PKIB: variants seen among roughly 807,000 people sequenced by gnomAD.
PKIB encodes the protein PKI-beta.
In PKIB, 2 loss-of-function variants were observed where a neutral mutation model predicts 4.5. The ratio of observed to expected loss-of-function variants is 0.44; its 90% CI spans 0.18 to 1.39. The LOEUF is 1.39. Ranked by LOEUF, PKIB falls within the 40% of genes most tolerant of loss-of-function variation. The probability of loss-of-function intolerance (pLI) is 0.27; values close to 1 mark genes in which losing one functional copy is unlikely to be tolerated. For synonymous variants in PKIB, 38 were observed against 36.0 expected, an observed-to-expected ratio of 1.06 and a Z score of -0.20; for missense variants, 94 against 92.6, an observed-to-expected ratio of 1.02 and a Z score of -0.06.
chr6:122,576,689 A>AAATATATATATATAT (rs1345822382), intron 2 of PKIB, among the ~76,000 whole-genome samples: 4 of 34,306 alleles, frequency 1.2e-4, no homozygotes, highest in Non-Finnish European at 1.9e-4. Flanking sequence ...AAAAAAAAAA[A>AAATATATATATATAT]ATATATATAT....
intron 2 of PKIB, among the ~76,000 whole-genome samples, chr6:122,498,863 A>G (rs1434515266): frequency 6.6e-6 from 1 of 152,236 alleles, no homozygotes; most frequent in Non-Finnish European, 1.5e-5. Flanking sequence ...AAGCTTAATC[A>G]GAAATGCCAA....
In PKIB at chr6:122,577,527, T is replaced by A. The variant is rs184213902; in HGVS notation, c.-247-8394T>A. Among the ~76,000 whole-genome samples the A allele has an allele frequency of 1.1e-4, 16 of 152,268 alleles. No homozygotes were observed. In the East Asian group the frequency reaches 3.1e-3, roughly 29 times the overall value. Reference sequence around the variant, plus strand: ...ATTAATCTTGAAAAAACTACCCATTTCTTCTCAATATCCATGAAAAAAAGA... The same window carrying A: ...ATTAATCTTGAAAAAACTACCCATTACTTCTCAATATCCATGAAAAAAAGA... On this transcript the variant is annotated intron_variant, in intron 2 of 6. Transcript: ENST00000392491.
intron 2 of PKIB, among the ~76,000 whole-genome samples, chr6:122,576,976 A>T (rs755384092): frequency 2.2e-4 from 33 of 152,160 alleles, no homozygotes; most frequent in Non-Finnish European, 4.4e-4. Context: ...TATCTCTAGC[A>T]TTCATACATT....
At chr6:122,553,571 GAC>G (rs753126969) in intron 2 of PKIB, among the ~76,000 whole-genome samples, 2 of 139,320 alleles carry the variant, frequency 1.4e-5, no homozygotes, top group Admixed American at 8.2e-5. Flanking sequence ...CTCCTCTTAG[GAC>G]ACAAGCCATC....
At chr6:122,525,611 T>C (rs2114608364) in intron 2 of PKIB, among the ~76,000 whole-genome samples, 1 of 152,332 alleles carries the variant, frequency 6.6e-6, no homozygotes, top group Admixed American at 6.5e-5. Context: ...CACTATACTA[T>C]AGTCAAATGT....
At chr6:122,722,344 G>A (rs764277819) in intron 4 of PKIB, among the ~76,000 whole-genome samples, 3 of 151,986 alleles carry the variant, frequency 2.0e-5, no homozygotes, top group African/African-American at 7.2e-5. Context: ...TTATATTTTA[G>A]TTAATAATCC....
At chr6:122,514,736 A>G (rs941628882) in intron 2 of PKIB, among the ~76,000 whole-genome samples, 1 of 152,164 alleles carries the variant, frequency 6.6e-6, no homozygotes, top group African/African-American at 2.4e-5. Flanking sequence ...TTCATTTTTA[A>G]CAACAGCCCA....
upstream of PKIB, among the ~76,000 whole-genome samples, chr6:122,606,571 C>CAAAAAAAAAA (rs10695767): frequency 0.94 from 111,957 of 119,634 alleles, 52,265 homozygotes; most frequent in South Asian, 0.97. Flanking sequence ...GACTCTGTCT[C>CAAAAAAAAAA]AAAAAAGAAA....
rs977613617 is a variant in PKIB at position 122,497,614 on chromosome 6, CAAA to C, written c.-248+19676_-248+19678del. 2.0e-5 allele frequency among the ~76,000 whole-genome samples: 3 copies of C among 152,056 alleles called. No homozygotes were observed. In the East Asian group the frequency reaches 5.8e-4, roughly 29 times the overall value. On this transcript the variant is annotated intron_variant, in intron 2 of 6. Coordinates refer to the PKIB transcript ENST00000392491. ...TTAAAACATCAACAATAAAAAAAGA[CAAA>C]GAAGGGCACTACATAATGATAAAGG... is the stretch of plus-strand genomic sequence containing the variant.
At chr6:122,533,017 A>G (rs139382303) in intron 2 of PKIB, among the ~76,000 whole-genome samples, 30 of 152,150 alleles carry the variant, frequency 2.0e-4, no homozygotes, top group African/African-American at 7.2e-4. Flanking sequence ...TCCTTTGCCC[A>G]GTTTTTAGTT....
At chr6:122,628,312 C>G (rs1331037626) in intron 1 of PKIB, among the ~76,000 whole-genome samples, 2 of 152,174 alleles carry the variant, frequency 1.3e-5, no homozygotes, top group East Asian at 3.9e-4. Context: ...GCTGGGATTA[C>G]AGGCGTGAGC....
chr6:122,604,639 G>A (rs1417217025), intron 3 of PKIB, among the ~76,000 whole-genome samples: 1 of 152,120 alleles, frequency 6.6e-6, no homozygotes, highest in African/African-American at 2.4e-5. Flanking sequence ...TAATAAGGAG[G>A]CCAATTCAGA....
intron 3 of PKIB, among the ~76,000 whole-genome samples, chr6:122,680,398 G>A (rs1298698553): frequency 6.6e-6 from 1 of 152,182 alleles, no homozygotes; most frequent in Admixed American, 6.5e-5. Context: ...CTGGATTTGG[G>A]GGAGGACCCT....
chr6:122,505,309 A>G (rs4061302), intron 2 of PKIB, among the ~76,000 whole-genome samples: 20,613 of 152,246 alleles, frequency 0.14, 1,522 homozygotes, highest in East Asian at 0.26. Flanking sequence ...TTTCCTCCTC[A>G]GAGGCCTCTT....
intron 2 of PKIB, among the ~76,000 whole-genome samples, chr6:122,548,904 A>G (rs546056035): frequency 2.0e-5 from 3 of 152,306 alleles, no homozygotes; most frequent in East Asian, 3.9e-4. Flanking sequence ...TTATAATCCA[A>G]TGTTTAAAGG....
intron 1 of PKIB, among the ~76,000 whole-genome samples, chr6:122,627,686 A>G (rs189753782): frequency 2.1e-4 from 32 of 152,322 alleles, no homozygotes; most frequent in East Asian, 9.7e-4. Context: ...GTCACAAACT[A>G]AAACACTTGG....
At chr6:122,476,174 A>G (rs1483590377) in intron 1 of PKIB, among the ~76,000 whole-genome samples, 1 of 152,210 alleles carries the variant, frequency 6.6e-6, no homozygotes, top group Non-Finnish European at 1.5e-5. Context: ...AAATTTGTGC[A>G]TAGTTTGTTA....
chr6:122,539,244 A>G (rs1777509828), intron 2 of PKIB, among the ~76,000 whole-genome samples: 2 of 152,146 alleles, frequency 1.3e-5, no homozygotes, highest in East Asian at 1.9e-4. Context: ...GAGAGAGGGC[A>G]TCCCTGTCTT....
chr6:122,471,976 G>C (rs971811622), exon 1 of PKIB: 6 of 970,638 alleles, frequency 6.2e-6, no homozygotes, highest in Non-Finnish European at 8.7e-6. Context: ...AATTTCTCAA[G>C]GACTGCTGGC....
Sources: allele counts gnomAD v4.1 joint callset (sites outside exome capture counted in the v4.1 genomes callset), GRCh38; gene constraint gnomAD v4.1.1; transcripts MANE v1.5; gene names NCBI Gene and HGNC (gene_info 2026-07-23, HGNC 2026-07-21).